Variants in UBXN11 observed in about 807,000 individuals in gnomAD.
UBXN11 encodes the protein UBX domain-containing protein 11.
In UBXN11, 47 loss-of-function variants were observed where a neutral mutation model predicts 62.8. The observed-to-expected ratio is 0.75, with a 90% CI of 0.59 to 0.95. The LOEUF (loss-of-function observed/expected upper bound fraction) is 0.95. Among genes scored for constraint, UBXN11 ranks in the 40% least tolerant of loss-of-function variants. The pLI is 0.00. For missense variants in UBXN11, 638 were observed against 661.7 expected (o/e 0.96, Z 0.39); for synonymous variants, 294 against 267.0 (o/e 1.10, Z -0.99).
Position 26,282,382 on chromosome 1 carries a change from T to TGGGGCCGGGACCGGGACC in UBXN11, c.1462_1479dup (p.Gly488_Pro493dup), listed in dbSNP as rs769394528. On this transcript the variant is annotated inframe_insertion, in exon 15 of 15. Transcript: ENST00000374222. ...CTGGGGCCGGGACCGGGACCGGGAC[T>TGGGGCCGGGACCGGGACC]GGGGCCGGGACCGGGACCGGGACAG... 42 of 334,444 alleles carry TGGGGCCGGGACCGGGACC rather than the reference T, an allele frequency of 1.3e-4. 1 individual carries two copies. The African/African-American group carries it at 1.4e-3, about 11-fold the overall frequency. 20.7% of individuals were successfully genotyped at this position (334,444 alleles called of 1,614,324 possible).
chr1:26,289,534 T>C lies in UBXN11; in HGVS notation c.560-3497A>G, dbSNP rs537823016. Among the ~76,000 whole-genome samples, 4 of 152,164 alleles carry C rather than the reference T, an allele frequency of 2.6e-5. No homozygotes were observed. In the South Asian group the frequency reaches 6.2e-4, roughly 24 times the overall value. On this transcript the variant is annotated intron_variant, in intron 8 of 14. Coordinates refer to ENST00000374222, the MANE Select transcript of UBXN11 (RefSeq NM_001389556.1). Reference sequence around the variant, plus strand: ...AGCCCTGGGCCTGGCCCAGAGTGGCTGGGCCACTAAAAGCAGGGTTGGATC... The same window carrying C: ...AGCCCTGGGCCTGGCCCAGAGTGGCCGGGCCACTAAAAGCAGGGTTGGATC...
Position 26,298,055 on chromosome 1 carries a change from T to C in UBXN11, c.207A>G (p.Ala69=), listed in dbSNP as rs1570117050. ...AGGCCATCAGCTCCGAGTCATGGGA[T>C]GCAGGGACTGCCAAGCACACAAAGT... ...IGAPVSRQVP[A]SHDSELMAFM... Residue 69 remains alanine (A), a synonymous_variant, in exon 5 of 15, where the codon GCA becomes GCG. Transcript: ENST00000374222. 6.2e-7 allele frequency: 1 copy of C among 1,613,076 alleles called. No individual in the cohort carries two copies. Among genetic ancestry groups the C allele is most frequent in the East Asian group, 2.2e-5 (1 of 44,880 alleles).
rs556390369 is a variant in UBXN11 at position 26,284,531 on chromosome 1, C to T, written c.853-49G>A. On this transcript the variant is annotated intron_variant, in intron 10 of 14. Transcript: ENST00000374222. The stretch of plus-strand genomic sequence containing the variant: ...CGGCAGCGGACCCAGCTCTTCAGCC[C>T]TTGGCCCCACTTTCATCCCTATTTG... The T allele has an allele frequency of 1.4e-5, 21 of 1,535,890 alleles. No individual in the cohort carries two copies. In the African/African-American group the frequency reaches 2.3e-4, roughly 17 times the overall value.
chr1:26,307,401 GGTAAT>G (rs1167889786), upstream of UBXN11, among the ~76,000 whole-genome samples: 1 of 152,106 alleles, frequency 6.6e-6, no homozygotes, highest in African/African-American at 2.4e-5. Flanking sequence ...GATTAAATAA[GGTAAT>G]GCAAAGTACA....
Position 26,282,779 on chromosome 1 carries a change from A to ACTCCTGG in UBXN11, c.1155_1161dup (p.Ser388ProfsTer19). On this transcript the variant is annotated frameshift_variant, in exon 14 of 15. Transcript: ENST00000374222. LOFTEE classifies it high-confidence loss of function. ...AGCGGGGGTGCCGGCGTGTTGGGTG[A>ACTCCTGG]CTCCTGGCTCCTGCACAGCCCAGAG... is the stretch of plus-strand genomic sequence containing the variant. 6.2e-7 allele frequency: 1 copy of ACTCCTGG among 1,613,646 alleles called. No individual in the cohort carries two copies. Among genetic ancestry groups the ACTCCTGG allele is most frequent in the Non-Finnish European group, 8.5e-7 (1 of 1,179,926 alleles).
Position 26,297,065 on chromosome 1 carries a change from G to A in UBXN11, c.356-70C>T, listed in dbSNP as rs150205067. On this transcript the variant is annotated intron_variant, in intron 6 of 14. Transcript: ENST00000374222. The stretch of plus-strand genomic sequence containing the variant: ...ACTGCCAGGTCACCTCTGCCCTGAG[G>A]GTCATCTGGAGAAGCTGTTCTGGGG... 3.2e-4 allele frequency: 483 copies of A among 1,513,932 alleles called. 9 individuals are homozygous for A. The East Asian group carries it at 0.012, about 36-fold the overall frequency. 93.8% of individuals were successfully genotyped at this position (1,513,932 alleles called of 1,614,324 possible). A position where few individuals can be genotyped will look rare whatever the true frequency, so the allele number is the denominator to read the frequency against.
At chr1:26,295,547 C>T (rs1262055637) in intron 7 of UBXN11, among the ~76,000 whole-genome samples, 1 of 152,174 alleles carries the variant, frequency 6.6e-6, no homozygotes, top group Non-Finnish European at 1.5e-5. Flanking sequence ...TCCCGTTCTT[C>T]TCCTTCCTCC....
chr1:26,289,803 G>A (rs542198963), intron 8 of UBXN11, among the ~76,000 whole-genome samples: 12 of 152,318 alleles, frequency 7.9e-5, no homozygotes, highest in South Asian at 6.2e-4. Flanking sequence ...AGGGCACCCC[G>A]GCAGCTCACG....
Position 26,282,445 on chromosome 1 carries a change from G to C in UBXN11, c.1417C>G (p.Arg473Gly), listed in dbSNP as rs746374879. 22 of 1,611,332 alleles carry C rather than the reference G, an allele frequency of 1.4e-5. No homozygotes were observed. The highest frequency in any genetic ancestry group is 1.8e-5 in the Non-Finnish European group (21 of 1,179,282). Residue 473 changes from arginine (R) to glycine (G), a missense_variant, in exon 15 of 15, where the codon CGA becomes GGA. By Grantham distance (125) the Arg-to-Gly change is moderately radical. Coordinates refer to ENST00000374222, the MANE Select transcript of UBXN11 (RefSeq NM_001389556.1). ...PKAALLLRAR[R>G]APKSSLKFSP... ...AATTTCAGGCTGGACTTCGGGGCTCGGCGTGCCCGCAGCAGCAGTGCTGCT... is the reference window on the plus strand; with the variant it reads ...AATTTCAGGCTGGACTTCGGGGCTCCGCGTGCCCGCAGCAGCAGTGCTGCT...
rs1234284328 is a variant in UBXN11, at chr1:26,296,993, C to T, written c.358G>A (p.Glu120Lys). The T allele has an allele frequency of 3.7e-6, 6 of 1,601,048 alleles. No individual in the cohort carries two copies. Among genetic ancestry groups the T allele is most frequent in the Middle Eastern group, 1.7e-4 (1 of 6,044 alleles). The change falls in exon 7 of 15, where the codon GAG (glutamate) becomes AAG (lysine). Residue 120 changes from glutamate (E) to lysine (K), a missense_variant and splice_region_variant. Glu to Lys is a moderately conservative substitution (Grantham distance 56, BLOSUM62 1). Coordinates refer to ENST00000374222, the MANE Select transcript of UBXN11 (RefSeq NM_001389556.1). ...TCCTCCTGCCGCTGCAGGGTTGCCTCGGCTTCAGGGAAAGACAGGGACAGG... is the reference window on the plus strand; with the variant it reads ...TCCTCCTGCCGCTGCAGGGTTGCCTTGGCTTCAGGGAAAGACAGGGACAGG... The part of the protein sequence containing the change: ...LVQTLRPHPA[E>K]ATLQRQEELE...
chr1:26,305,650 G>A lies in UBXN11; in HGVS notation c.-36+942C>T, dbSNP rs547477215. On this transcript the variant is annotated intron_variant, in intron 1 of 14. Transcript: ENST00000374222. The stretch of plus-strand genomic sequence containing the variant: ...TTTAAAGGAGTGAAGTATGTAATAC[G>A]TGAATTATATCTCAATAAAGCTGTC... 6.3e-4 allele frequency among the ~76,000 whole-genome samples: 95 copies of A among 149,758 alleles called. No homozygotes were observed. The South Asian group carries it at 0.01, about 16-fold the overall frequency.
At chr1:26,297,529 C>A in intron 5 of UBXN11, 48 bp from the exon 6 acceptor site, 1 of 1,498,968 alleles carries the variant, frequency 6.7e-7, no homozygotes, top group Non-Finnish European at 8.9e-7. Flanking sequence ...GTTCCCAGAG[C>A]CCTGCCCAGA....
intron 7 of UBXN11, among the ~76,000 whole-genome samples, chr1:26,295,445 C>T (rs552249959): frequency 3.2e-4 from 49 of 152,294 alleles, no homozygotes; most frequent in Admixed American, 1.0e-3. Flanking sequence ...CAAACAGAAG[C>T]CTTCCAATGG....
At chr1:26,307,525 T>C (rs575378200), upstream of UBXN11, among the ~76,000 whole-genome samples, 5 of 152,248 alleles carry the variant, frequency 3.3e-5, no homozygotes, top group East Asian at 9.6e-4. Flanking sequence ...TCAGCTGTGA[T>C]GGTCTGGGAG....
chr1:26,290,960 CCT>C (rs1472455751), intron 8 of UBXN11, among the ~76,000 whole-genome samples: 2 of 152,052 alleles, frequency 1.3e-5, no homozygotes, highest in Non-Finnish European at 2.9e-5. Flanking sequence ...CTCCACAGAC[CCT>C]GAAGCACCTG....
chr1:26,297,969 A>T lies in UBXN11; in HGVS notation c.293T>A (p.Leu98Gln). ...TCCCACCTGGAGCCCCACCTTGGACAGTATCTCATCAGTCTGGGCCTTCAC... is the reference window on the plus strand; with the variant it reads ...TCCCACCTGGAGCCCCACCTTGGACTGTATCTCATCAGTCTGGGCCTTCAC... ...QQVKAQTDEI[L>Q]SKDQKIAALE... is the part of the protein sequence containing the mutation. The change falls in exon 5 of 15, where the codon CTG becomes CAG. Residue 98 changes from leucine to glutamine, a missense_variant. Transcript: ENST00000374222. The T allele has an allele frequency of 6.2e-7, 1 of 1,613,764 alleles. No individual in the cohort carries two copies. Among genetic ancestry groups the T allele is most frequent in the Non-Finnish European group, 8.5e-7 (1 of 1,179,882 alleles).
chr1:26,300,316 C>G (rs1047528396), intron 4 of UBXN11, among the ~76,000 whole-genome samples: 1 of 152,190 alleles, frequency 6.6e-6, no homozygotes, highest in Non-Finnish European at 1.5e-5. Context: ...GAGGAGGCCT[C>G]AGAGACAGAG....
intron 1 of UBXN11, among the ~76,000 whole-genome samples, chr1:26,313,040 T>C (rs1218384637): frequency 7.6e-6 from 1 of 131,744 alleles, no homozygotes; most frequent in Non-Finnish European, 1.6e-5. Context: ...GATAGGTGGG[T>C]GCGTGGATAG....
intron 12 of UBXN11, among the ~76,000 whole-genome samples, 156 bp downstream of exon 12, chr1:26,283,986 C>T (rs1450950631): frequency 6.6e-6 from 1 of 152,184 alleles, no homozygotes; most frequent in Non-Finnish European, 1.5e-5. Flanking sequence ...CCTCACCAGC[C>T]TCACAGTTTC....
Sources: gnomAD v4.1 joint callset for allele counts (sites outside exome capture counted in the v4.1 genomes callset) on GRCh38, gnomAD v4.1.1 for gene constraint, MANE v1.5 for transcripts, NCBI Gene and HGNC (gene_info 2026-07-23, HGNC 2026-07-21) for gene names.